The following TMCO4 variants were observed in gnomAD, a reference collection of about 807,000 sequenced individuals.
TMCO4 encodes the protein transmembrane and coiled-coil domain-containing protein 4.
In TMCO4, 58 loss-of-function variants were observed where a neutral mutation model predicts 64.7. The ratio of observed to expected loss-of-function variants is 0.90; its 90% CI spans 0.73 to 1.12. The LOEUF (loss-of-function observed/expected upper bound fraction) is 1.12, where lower values mean the gene tolerates loss of function less well. Ranked by LOEUF, TMCO4 falls within the 50% of genes most tolerant of loss-of-function variation. The probability of loss-of-function intolerance (pLI) is 0.00; values close to 1 mark genes in which losing one functional copy is unlikely to be tolerated. For missense variants in TMCO4, 780 were observed against 825.9 expected (o/e 0.94, Z 0.68); for synonymous variants, 325 against 346.1 (o/e 0.94, Z 0.68).
At chr1:19,761,510 T>C (rs2042503417) in intron 6 of TMCO4, among the ~76,000 whole-genome samples, 1 of 152,228 alleles carries the variant, frequency 6.6e-6, no homozygotes, top group African/African-American at 2.4e-5. Flanking sequence ...AGGGTCAGCC[T>C]CAGGGTACCT....
At chr1:19,747,130 C>G in intron 8 of TMCO4, 33 bp downstream of exon 8, 1 of 1,606,996 alleles carries the variant, frequency 6.2e-7, no homozygotes, top group East Asian at 2.2e-5. Flanking sequence ...CTACAAAACC[C>G]AGACGTGTGC....
rs2095110331 is a variant in TMCO4, at chr1:19,682,554, G to T, written c.*486C>A. 1.4e-6 allele frequency: 1 copy of T among 713,416 alleles called. No individual in the cohort carries two copies. The highest frequency in any genetic ancestry group is 1.7e-5 in the African/African-American group (1 of 57,192). The allele number at this position is 713,416 out of a possible 1,614,324, so 44.2% of individuals were successfully genotyped here. A position where few individuals can be genotyped will look rare whatever the true frequency, so the allele number is the denominator to read the frequency against. Reference sequence around the variant, plus strand: ...TCTTTGTACCTGCGCCTGCTCTGTTGCTGCCAGTTGATGGTGCCTGTCAGC... The same window carrying T: ...TCTTTGTACCTGCGCCTGCTCTGTTTCTGCCAGTTGATGGTGCCTGTCAGC... On this transcript the variant is annotated 3_prime_UTR_variant, in exon 16 of 16. Transcript: ENST00000294543.
chr1:19,686,871 G>T, intron 15 of TMCO4, among the ~76,000 whole-genome samples: 1 of 152,186 alleles, frequency 6.6e-6, no homozygotes, highest in East Asian at 1.9e-4. Context: ...GAGTTCAAGG[G>T]CCTGGCACTT....
rs541275712 is a variant in TMCO4 at position 19,769,954 on chromosome 1, T to TGCCGGAG, written c.382+581_382+587dup. On this transcript the variant is annotated intron_variant, in intron 6 of 15. Transcript: ENST00000294543. The stretch of plus-strand genomic sequence containing the variant: ...CACAAAGCACACGTGCTTAGGGAGC[T>TGCCGGAG]GCCGGAGGCCGGCATGGCTGAAAGC... Among the ~76,000 whole-genome samples, 204 of 152,332 alleles carry TGCCGGAG rather than the reference T, an allele frequency of 1.3e-3. 1 individual carries two copies. Among genetic ancestry groups the TGCCGGAG allele is most frequent in the Non-Finnish European group, 2.4e-3 (162 of 68,030 alleles).
intron 13 of TMCO4, among the ~76,000 whole-genome samples, chr1:19,733,111 C>CA (rs1415452435): frequency 6.6e-6 from 1 of 151,772 alleles, no homozygotes; most frequent in Non-Finnish European, 1.5e-5. Flanking sequence ...ACTAAAAATA[C>CA]AAAAAATTTG....
At chr1:19,723,564 G>A (rs2095395469) in intron 13 of TMCO4, among the ~76,000 whole-genome samples, 2 of 152,212 alleles carry the variant, frequency 1.3e-5, no homozygotes, top group African/African-American at 2.4e-5. Flanking sequence ...GACCCTGTGG[G>A]AAGAAGGAAG....
chr1:19,699,414 G>A (rs1342369388), intron 14 of TMCO4, among the ~76,000 whole-genome samples: 6 of 151,124 alleles, frequency 4.0e-5, no homozygotes, highest in Non-Finnish European at 5.9e-5. Context: ...AAAGGTAAAT[G>A]GCAGAGGCAA....
chr1:19,776,735 C>G (rs995557693), intron 4 of TMCO4, among the ~76,000 whole-genome samples: 3 of 152,056 alleles, frequency 2.0e-5, no homozygotes, highest in Admixed American at 1.3e-4. Flanking sequence ...AGGTTGAAAA[C>G]AGCAAAAGCC....
At chr1:19,776,406 C>T (rs80004556) in intron 4 of TMCO4, among the ~76,000 whole-genome samples, 59 of 152,278 alleles carry the variant, frequency 3.9e-4, no homozygotes, top group African/African-American at 1.4e-3. Flanking sequence ...GACAGTAACT[C>T]GCTGCCTTAT....
At chr1:19,757,014 T>C (rs557308154) in intron 6 of TMCO4, among the ~76,000 whole-genome samples, 1 of 151,480 alleles carries the variant, frequency 6.6e-6, no homozygotes, top group East Asian at 1.9e-4. Flanking sequence ...GAAAAAAAAG[T>C]GAAGGAGGTC....
At chr1:19,766,976 A>C (rs1176296345) in intron 6 of TMCO4, among the ~76,000 whole-genome samples, 1 of 152,150 alleles carries the variant, frequency 6.6e-6, no homozygotes, top group African/African-American at 2.4e-5. Context: ...CCAGTGTGCC[A>C]CTGAAGCTGT....
chr1:19,691,121 GCCTCC>G (rs2095191104), intron 15 of TMCO4, among the ~76,000 whole-genome samples: 23 of 152,192 alleles, frequency 1.5e-4, no homozygotes, highest in Admixed American at 9.8e-4. Context: ...GCCCGCCTTG[GCCTCC>G]CAAAGTGCTG....
At chr1:19,773,245 C>T (rs981821415) in intron 4 of TMCO4, among the ~76,000 whole-genome samples, 5 of 152,150 alleles carry the variant, frequency 3.3e-5, no homozygotes, top group African/African-American at 4.8e-5. Flanking sequence ...CTGTTACGGT[C>T]GGGTTCCTGG....
intron 13 of TMCO4, among the ~76,000 whole-genome samples, chr1:19,727,053 G>C (rs61768293): frequency 6.6e-6 from 1 of 152,054 alleles, no homozygotes; most frequent in South Asian, 2.1e-4. Flanking sequence ...TGGTAGAGCT[G>C]GTGGGTTCAG....
intron 15 of TMCO4, among the ~76,000 whole-genome samples, chr1:19,690,520 T>G (rs1156548053): frequency 6.6e-6 from 1 of 152,108 alleles, no homozygotes; most frequent in Non-Finnish European, 1.5e-5. Context: ...GTGTTTGGAG[T>G]GGTCAGCCAG....
intron 2 of TMCO4, among the ~76,000 whole-genome samples, chr1:19,792,868 T>G (rs2044120005): frequency 6.8e-6 from 1 of 147,742 alleles, no homozygotes; most frequent in Non-Finnish European, 1.5e-5. Flanking sequence ...CTTCCTGGGT[T>G]CAAGCAATTC....
Position 19,780,570 on chromosome 1 carries a change from A to G in TMCO4, c.179+10T>C. 1 of 1,584,502 alleles carries G rather than the reference A, an allele frequency of 6.3e-7. No homozygotes were observed. The highest frequency in any genetic ancestry group is 8.6e-7 in the Non-Finnish European group (1 of 1,165,950). On this transcript the variant is annotated intron_variant, in intron 4 of 15. Transcript: ENST00000294543. ...GCATGACCTTCCCACTGCAAGACAG[A>G]AGAACTCACCTGTGTTCGGGTTCAG...
At chr1:19,731,659 AGT>A (rs1382270346) in intron 13 of TMCO4, among the ~76,000 whole-genome samples, 1 of 152,088 alleles carries the variant, frequency 6.6e-6, no homozygotes, top group Non-Finnish European at 1.5e-5. Context: ...CCAGGCCCTG[AGT>A]GTGTGTGTAT....
At chr1:19,775,592 G>C (rs1044986014) in intron 4 of TMCO4, among the ~76,000 whole-genome samples, 1 of 152,232 alleles carries the variant, frequency 6.6e-6, no homozygotes, top group African/African-American at 2.4e-5. Flanking sequence ...CCTACTGTCT[G>C]TGGCTGCTTT....
Sources: gnomAD v4.1 joint callset for allele counts (sites outside exome capture counted in the v4.1 genomes callset) on GRCh38, gnomAD v4.1.1 for gene constraint, MANE v1.5 for transcripts, NCBI Gene and HGNC (gene_info 2026-07-23, HGNC 2026-07-21) for gene names.